The following FSD1L variants were observed in gnomAD, a reference collection of about 807,000 sequenced individuals.
FSD1L encodes the protein FSD1-like protein.
FSD1L carries 45 observed loss-of-function variants against 71.6 expected under a neutral mutation model. That is an observed-to-expected ratio of 0.63 (90% CI 0.49 to 0.81). FSD1L has a LOEUF of 0.81. FSD1L is among the 30% of genes least tolerant of loss of function. The probability of loss-of-function intolerance (pLI) is 0.00; values close to 1 mark genes in which losing one functional copy is unlikely to be tolerated. For synonymous variants in FSD1L, 197 were observed against 207.2 expected, an observed-to-expected ratio of 0.95 and a Z score of 0.42; for missense variants, 561 against 618.1, an observed-to-expected ratio of 0.91 and a Z score of 0.98.
rs1191519308 is a variant in FSD1L at position 105,452,669 on chromosome 9, G to GCCTGCCTTCCTTCCTTCCTT, written c.15+4437_15+4438insGCCTTCCTTCCTTCCTTCCT. On this transcript the variant is annotated intron_variant, in intron 1 of 13. Transcript: ENST00000481272. Reference sequence around the variant, plus strand: ...TGCCTGCCTGCCTGCCTGCCTGCCTGCCTTCCTTCCTTCCTTCCTTCCTTC... The same window carrying GCCTGCCTTCCTTCCTTCCTT: ...TGCCTGCCTGCCTGCCTGCCTGCCTGCCTGCCTTCCTTCCTTCCTTCCTTCCTTCCTTCCTTCCTTCCTTC... Among the ~76,000 whole-genome samples the GCCTGCCTTCCTTCCTTCCTT allele has an allele frequency of 2.9e-3, 278 of 96,134 alleles. 2 individuals carry two copies. The highest frequency in any genetic ancestry group is 4.9e-3 in the Middle Eastern group (1 of 206). 63.1% of individuals were successfully genotyped at this position (96,134 alleles called of 152,430 possible).
intron 7 of FSD1L, among the ~76,000 whole-genome samples, chr9:105,498,867 G>GC (rs1196150811): frequency 6.6e-6 from 1 of 152,114 alleles, no homozygotes; most frequent in South Asian, 2.1e-4. Context: ...CAAGTGATCC[G>GC]CCCCCCTCCC....
At chr9:105,524,306 G>T in intron 10 of FSD1L, 9 of 1,613,258 alleles carry the variant, frequency 5.6e-6, no homozygotes, top group Non-Finnish European at 7.6e-6. Context: ...CTAGACTTCA[G>T]ATTTACCAGC....
chr9:105,489,302 T>C (rs533843223), intron 7 of FSD1L, among the ~76,000 whole-genome samples: 13 of 152,144 alleles, frequency 8.5e-5, no homozygotes, highest in Non-Finnish European at 5.9e-5. Flanking sequence ...GCTTTGGAGT[T>C]CTGAGTAAAA....
At chr9:105,450,117 C>G (rs184474860) in intron 1 of FSD1L, among the ~76,000 whole-genome samples, 233 of 152,330 alleles carry the variant, frequency 1.5e-3, no homozygotes, top group Non-Finnish European at 2.3e-3. Flanking sequence ...ACCTGAGCTT[C>G]CTTTTCTCGT....
intron 7 of FSD1L, among the ~76,000 whole-genome samples, chr9:105,503,378 G>A (rs1205612202): frequency 6.6e-6 from 1 of 152,030 alleles, no homozygotes; most frequent in Non-Finnish European, 1.5e-5. Context: ...ATTAGTTATG[G>A]ACATACCTGA....
rs545805356 is a variant in FSD1L, at chr9:105,457,075, G to C, written c.16-4445G>C. ...TGCCCTTCTTTACCCATAAGGCTTT[G>C]ATTAGAAAAAAAAATGAAATGACTA... On this transcript the variant is annotated intron_variant, in intron 1 of 13. Coordinates refer to ENST00000481272, the MANE Select transcript of FSD1L (RefSeq NM_001145313.3). 4.6e-5 allele frequency among the ~76,000 whole-genome samples: 7 copies of C among 151,906 alleles called. No homozygotes were observed. In the East Asian group the frequency reaches 1.4e-3, roughly 29 times the overall value.
At chr9:105,457,548 C>A (rs1830431551) in intron 1 of FSD1L, among the ~76,000 whole-genome samples, 1 of 152,222 alleles carries the variant, frequency 6.6e-6, no homozygotes, top group Non-Finnish European at 1.5e-5. Context: ...ATGATAGTAA[C>A]TTTTACTAAG....
At chr9:105,494,233 C>T (rs1409266487) in intron 7 of FSD1L, among the ~76,000 whole-genome samples, 21 of 151,962 alleles carry the variant, frequency 1.4e-4, no homozygotes, top group African/African-American at 4.8e-4. Flanking sequence ...CTTCCCTTCT[C>T]GCTTCATTTC....
chr9:105,537,253 T>C (rs1836328604), intron 12 of FSD1L, among the ~76,000 whole-genome samples: 2 of 152,218 alleles, frequency 1.3e-5, no homozygotes, highest in Non-Finnish European at 2.9e-5. Flanking sequence ...ATTTTAGTAA[T>C]ATTGTGCCCA....
At chr9:105,464,848 C>T (rs1053055057) in intron 3 of FSD1L, among the ~76,000 whole-genome samples, 1 of 151,750 alleles carries the variant, frequency 6.6e-6, no homozygotes, top group Non-Finnish European at 1.5e-5. Flanking sequence ...GGTGTGGTGG[C>T]ATACACATGT....
intron 10 of FSD1L, chr9:105,526,420 A>G (rs1260295253): frequency 1.9e-6 from 3 of 1,613,196 alleles, no homozygotes; most frequent in African/African-American, 1.3e-5. Flanking sequence ...AAACTCCCAC[A>G]GCAGCGCAGG....
chr9:105,459,428 C>G (rs1264538095), intron 1 of FSD1L, among the ~76,000 whole-genome samples: 1 of 152,180 alleles, frequency 6.6e-6, no homozygotes, highest in Admixed American at 6.5e-5. Flanking sequence ...GGCCCTCTCC[C>G]TGATAAACTT....
chr9:105,523,755 T>A, intron 10 of FSD1L: 2 of 1,597,192 alleles, frequency 1.3e-6, no homozygotes, highest in South Asian at 2.2e-5. Flanking sequence ...AAATAGAGAT[T>A]TTCTAACACA....
At chr9:105,519,473 T>C (rs1408915202) in intron 10 of FSD1L, among the ~76,000 whole-genome samples, 1 of 152,166 alleles carries the variant, frequency 6.6e-6, no homozygotes, top group African/African-American at 2.4e-5. Flanking sequence ...GGCTTCATCC[T>C]TAGGATGCAA....
At chr9:105,529,382 A>G (rs188252635) in intron 10 of FSD1L, among the ~76,000 whole-genome samples, 19 of 152,362 alleles carry the variant, frequency 1.2e-4, no homozygotes, top group Middle Eastern at 6.8e-3. Flanking sequence ...TCAGATGTCC[A>G]TCAATGATAG....
chr9:105,492,729 C>T (rs952682327), intron 7 of FSD1L, among the ~76,000 whole-genome samples: 1 of 152,124 alleles, frequency 6.6e-6, no homozygotes, highest in Non-Finnish European at 1.5e-5. Context: ...CAAAGAACAT[C>T]TTTATTTCTG....
At chr9:105,461,376 A>C (rs1438022257) in intron 1 of FSD1L, 144 bp from the exon 2 acceptor site, 1 of 432,776 alleles carries the variant, frequency 2.3e-6, no homozygotes, top group African/African-American at 2.0e-5. Flanking sequence ...AGAAAAACTC[A>C]TTAATTGTTA....
At chr9:105,484,270 A>T (rs1022803190) in intron 6 of FSD1L, 111 bp from the exon 7 acceptor site, 1 of 719,046 alleles carries the variant, frequency 1.4e-6, no homozygotes, top group Non-Finnish European at 2.0e-6. Context: ...AACTTTTATT[A>T]TAGTCTCTGA....
intron 10 of FSD1L, among the ~76,000 whole-genome samples, chr9:105,518,540 A>G (rs1834888313): frequency 6.6e-6 from 1 of 152,236 alleles, no homozygotes; most frequent in Admixed American, 6.5e-5. Context: ...TGGAAACTGA[A>G]CAACCTGCTC....
Sources: gnomAD v4.1 joint callset for allele counts (sites outside exome capture counted in the v4.1 genomes callset) on GRCh38, gnomAD v4.1.1 for gene constraint, MANE v1.5 for transcripts, NCBI Gene and HGNC (gene_info 2026-07-23, HGNC 2026-07-21) for gene names.